The following ARHGAP39 variants were observed in gnomAD, a reference collection of about 807,000 sequenced individuals.
ARHGAP39 encodes Rho GTPase activating protein 39.
A neutral mutation model predicts 106.9 loss-of-function variants in ARHGAP39; 44 were observed. The ratio of observed to expected loss-of-function variants is 0.41; its 90% CI spans 0.32 to 0.53. The LOEUF (loss-of-function observed/expected upper bound fraction) is 0.53, where lower values mean the gene tolerates loss of function less well. Among genes scored for constraint, ARHGAP39 ranks in the 20% least tolerant of loss-of-function variants. The pLI is 0.21. For synonymous variants in ARHGAP39, 768 were observed against 693.2 expected (o/e 1.11, Z -1.69); for missense variants, 1,496 against 1,577.3 (o/e 0.95, Z 0.87).
chr8:144,530,167 G>A lies in ARHGAP39; in HGVS notation c.*255C>T, dbSNP rs945681029. The A allele has an allele frequency of 1.9e-5, 10 of 523,174 alleles. No homozygotes were observed. Among genetic ancestry groups the A allele is most frequent in the African/African-American group, 1.6e-4 (8 of 50,014 alleles). The allele number at this position is 523,174 out of a possible 1,614,324, so 32.4% of individuals were successfully genotyped here. On this transcript the variant is annotated 3_prime_UTR_variant, in exon 12 of 12. Transcript: ENST00000377307. ...TTCTCGGAGCTGACCCGCGGCCAGC[G>A]GAGGGCGAGGCGGTGCCCGCGGGAA...
intron 1 of ARHGAP39, among the ~76,000 whole-genome samples, chr8:144,650,772 T>C (rs1390512256): frequency 6.6e-6 from 1 of 152,158 alleles, no homozygotes; most frequent in East Asian, 1.9e-4. Flanking sequence ...ATAAGGGCCA[T>C]CTGTGACAAA....
At chr8:144,537,965 G>C in intron 6 of ARHGAP39, 152 bp from the exon 7 acceptor site, 1 of 674,522 alleles carries the variant, frequency 1.5e-6, no homozygotes, top group Non-Finnish European at 2.5e-6. Context: ...GGGGGACGTG[G>C]CTGTGTGAGT....
intron 3 of ARHGAP39, among the ~76,000 whole-genome samples, chr8:144,567,388 C>T (rs555201571): frequency 9.8e-5 from 15 of 152,320 alleles, no homozygotes; most frequent in African/African-American, 2.6e-4. Context: ...CTAGCGGTAA[C>T]GCCAGCGTCT....
intron 1 of ARHGAP39, among the ~76,000 whole-genome samples, chr8:144,660,685 A>G (rs1251231128): frequency 6.6e-6 from 1 of 152,124 alleles, no homozygotes; most frequent in African/African-American, 2.4e-5. Context: ...AAATAAATGA[A>G]TAATTTTTTA....
chr8:144,596,390 C>T (rs890369416), intron 2 of ARHGAP39, among the ~76,000 whole-genome samples: 1 of 149,844 alleles, frequency 6.7e-6, no homozygotes, highest in African/African-American at 2.5e-5. Flanking sequence ...GCTGAGGCCT[C>T]GCCACCCCGG....
upstream of ARHGAP39, among the ~76,000 whole-genome samples, chr8:144,686,413 C>A (rs992550648): frequency 2.6e-5 from 4 of 152,188 alleles, no homozygotes; most frequent in Non-Finnish European, 5.9e-5. Context: ...TTTCTAGATT[C>A]TCTTAGTGCC....
chr8:144,635,431 T>C (rs11780457), intron 1 of ARHGAP39, among the ~76,000 whole-genome samples: 152,304 of 152,304 alleles, frequency 1, 76,152 homozygotes, highest in Non-Finnish European at 1. Flanking sequence ...GGCATGGAAG[T>C]TCCAGGCCCT....
intron 1 of ARHGAP39, among the ~76,000 whole-genome samples, chr8:144,642,989 G>C (rs895936874): frequency 2.0e-5 from 3 of 151,908 alleles, no homozygotes; most frequent in Non-Finnish European, 4.4e-5. Context: ...CTCCAGTCTG[G>C]GCAACAGAGC....
At chr8:144,536,438 C>T (rs991107263) in intron 7 of ARHGAP39, among the ~76,000 whole-genome samples, 2 of 152,210 alleles carry the variant, frequency 1.3e-5, no homozygotes, top group African/African-American at 4.8e-5. Context: ...ACAGGGGAGT[C>T]TGCTCCCTGC....
intron 1 of ARHGAP39, among the ~76,000 whole-genome samples, chr8:144,649,727 G>C (rs1810191050): frequency 6.6e-6 from 1 of 151,922 alleles, no homozygotes; most frequent in Non-Finnish European, 1.5e-5. Flanking sequence ...GACAAAATGA[G>C]ACCAACTCAA....
chr8:144,551,745 G>A (rs1030663239), intron 4 of ARHGAP39, among the ~76,000 whole-genome samples: 18 of 152,072 alleles, frequency 1.2e-4, no homozygotes, highest in African/African-American at 4.1e-4. Flanking sequence ...AGGCCCCACC[G>A]ACTGTCATTC....
chr8:144,546,440 C>T (rs533680282), intron 5 of ARHGAP39, among the ~76,000 whole-genome samples: 5 of 152,316 alleles, frequency 3.3e-5, no homozygotes, highest in East Asian at 3.9e-4. Context: ...CCCAGGCCCT[C>T]GAGGTCTCCC....
Position 144,547,023 on chromosome 8 carries a change from G to A in ARHGAP39, c.1959+104C>T, listed in dbSNP as rs1311053856. On this transcript the variant is annotated intron_variant, in intron 5 of 11. Coordinates refer to ENST00000377307, the MANE Select transcript of ARHGAP39 (RefSeq NM_025251.3). This position sits in a 1 kb window ranked among gnomAD's most constrained non-coding sequence, Gnocchi z 5.2. ...GGGGCTTCAGAACTCTGCGTGCTGCGTGCACGCCCTGGACGCCAGGTCTCC... is the reference window on the plus strand; with the variant it reads ...GGGGCTTCAGAACTCTGCGTGCTGCATGCACGCCCTGGACGCCAGGTCTCC... 15 of 1,353,588 alleles carry A rather than the reference G, an allele frequency of 1.1e-5. No individual in the cohort carries two copies. The highest frequency in any genetic ancestry group is 5.9e-5 in the African/African-American group (4 of 67,374). The allele number at this position is 1,353,588 out of a possible 1,614,324, so 83.8% of individuals were successfully genotyped here. A position where few individuals can be genotyped will look rare whatever the true frequency, so the allele number is the denominator to read the frequency against.
At chr8:144,533,941 G>A (rs758412202) in intron 8 of ARHGAP39, among the ~76,000 whole-genome samples, 188 bp downstream of exon 8, 4 of 152,094 alleles carry the variant, frequency 2.6e-5, no homozygotes, top group Non-Finnish European at 5.9e-5. Context: ...AAGAGCCCCC[G>A]GGGGAGGGTG....
At chr8:144,689,263 A>T (rs547842834), upstream of ARHGAP39, among the ~76,000 whole-genome samples, 1 of 151,876 alleles carries the variant, frequency 6.6e-6, no homozygotes, top group Non-Finnish European at 1.5e-5. Flanking sequence ...AACTAGAAGT[A>T]AGTTTGACTT....
At chr8:144,600,685 C>A (rs570385849) in intron 2 of ARHGAP39, among the ~76,000 whole-genome samples, 1 of 143,066 alleles carries the variant, frequency 7.0e-6, no homozygotes, top group African/African-American at 2.6e-5. Flanking sequence ...CCTGCGTGTG[C>A]GTGTGCGTGG....
chr8:144,696,783 GTAAAAC>G, the ARHGAP39 span, among the ~76,000 whole-genome samples: 4 of 152,134 alleles, frequency 2.6e-5, no homozygotes, highest in African/African-American at 9.7e-5. Context: ...CTTTAACTGT[GTAAAAC>G]TAAAACTGTC....
At chr8:144,629,907 C>T (rs1821019793) in intron 1 of ARHGAP39, among the ~76,000 whole-genome samples, 1 of 152,034 alleles carries the variant, frequency 6.6e-6, no homozygotes, top group Non-Finnish European at 1.5e-5. Flanking sequence ...CGGCACCTCC[C>T]AACTGTGAGT....
chr8:144,691,211 G>T, the ARHGAP39 span, among the ~76,000 whole-genome samples: 1 of 152,154 alleles, frequency 6.6e-6, no homozygotes, highest in Non-Finnish European at 1.5e-5. Flanking sequence ...GGCACAGCTG[G>T]CTCAGGAAGC....
Sources: allele counts gnomAD v4.1 joint callset (sites outside exome capture counted in the v4.1 genomes callset), GRCh38; gene constraint gnomAD v4.1.1; non-coding constraint Gnocchi (gnomAD v3.1); transcripts MANE v1.5; gene names NCBI Gene and HGNC (gene_info 2026-07-23, HGNC 2026-07-21).